CPQ: variants seen among roughly 807,000 people sequenced by gnomAD.
CPQ encodes the protein carboxypeptidase Q.
Under a neutral mutation model 45.7 loss-of-function variants are expected in CPQ, and 37 were observed. That is an observed-to-expected ratio of 0.81 (90% CI 0.62 to 1.07). The LOEUF (loss-of-function observed/expected upper bound fraction) is 1.07. Among genes scored for constraint, CPQ ranks in the 50% least tolerant of loss-of-function variants. The pLI is 0.00. For missense variants in CPQ, 537 were observed against 572.9 expected, an observed-to-expected ratio of 0.94 and a Z score of 0.64; for synonymous variants, 186 against 205.8, an observed-to-expected ratio of 0.90 and a Z score of 0.82.
At chr8:96,896,275 ACT>A in intron 4 of CPQ, among the ~76,000 whole-genome samples, 1 of 152,118 alleles carries the variant, frequency 6.6e-6, no homozygotes, top group East Asian at 1.9e-4. Context: ...CCCTATCAAC[ACT>A]CTATTTTAAA....
intron 1 of CPQ, among the ~76,000 whole-genome samples, chr8:96,688,687 T>G (rs939826422): frequency 2.0e-5 from 3 of 152,184 alleles, no homozygotes; most frequent in African/African-American, 7.2e-5. Flanking sequence ...TATTTCTTCA[T>G]GTATGCCTCT....
At chr8:96,971,039 T>C (rs1247152708) in intron 5 of CPQ, among the ~76,000 whole-genome samples, 3 of 152,208 alleles carry the variant, frequency 2.0e-5, no homozygotes, top group Non-Finnish European at 4.4e-5. Flanking sequence ...ATAACATTTG[T>C]TGGGAGAGTA....
chr8:96,732,040 G>A lies in CPQ; in HGVS notation c.-34-52824G>A, dbSNP rs1236901383. Among the ~76,000 whole-genome samples, 3 of 152,268 alleles carry A rather than the reference G, an allele frequency of 2.0e-5. No individual in the cohort carries two copies. The South Asian group carries it at 6.2e-4, about 32-fold the overall frequency. On this transcript the variant is annotated intron_variant, in intron 1 of 7. Transcript: ENST00000220763. ...GTAAGTGTTCAGGGAGATGACAAAA[G>A]AGAAGTCTGAGGCTTGAGGAATTAC...
At chr8:96,688,089 T>A (rs1809256818) in intron 1 of CPQ, among the ~76,000 whole-genome samples, 1 of 152,132 alleles carries the variant, frequency 6.6e-6, no homozygotes, top group Non-Finnish European at 1.5e-5. Context: ...TTCTGTTTTC[T>A]GTAGGTTTTT....
intron 7 of CPQ, among the ~76,000 whole-genome samples, chr8:97,075,961 TTTTAATTTGTATTTCTAAAAGGTAAGGAC>T (rs1810838764): frequency 1.3e-5 from 2 of 152,226 alleles, no homozygotes; most frequent in African/African-American, 4.8e-5. Context: ...TTTATAAATA[TTTTAATTTGTATTTCTAAAAGGTAAGGAC>T]TTGGTTTTAT....
intron 1 of CPQ, among the ~76,000 whole-genome samples, chr8:96,685,136 C>CAACAAAAAGCAAAAAACA (rs139480355): frequency 2.0e-5 from 3 of 149,814 alleles, no homozygotes; most frequent in Admixed American, 6.6e-5. Context: ...AAACAAAAAA[C>CAACAAAAAGCAAAAAACA]AAAAAACAGA....
chr8:96,684,758 G>A (rs1809203516), intron 1 of CPQ, among the ~76,000 whole-genome samples: 1 of 152,160 alleles, frequency 6.6e-6, no homozygotes, highest in South Asian at 2.1e-4. Context: ...CCCCCTGATA[G>A]TGTGGGGAGG....
At chr8:96,935,236 T>C (rs1057003261) in intron 4 of CPQ, among the ~76,000 whole-genome samples, 6 of 152,138 alleles carry the variant, frequency 3.9e-5, no homozygotes, top group African/African-American at 1.4e-4. Flanking sequence ...CTACAAATAG[T>C]GTCCAAAAGG....
intron 3 of CPQ, among the ~76,000 whole-genome samples, chr8:96,854,701 C>CAAGTCCCA (rs1563513749): frequency 1.3e-5 from 2 of 152,034 alleles, no homozygotes; most frequent in African/African-American, 4.8e-5. Context: ...CAGAGGCTGA[C>CAAGTCCCA]AAGTCCCAAA....
At chr8:97,042,976 G>T (rs1250729417) in intron 6 of CPQ, among the ~76,000 whole-genome samples, 1 of 151,818 alleles carries the variant, frequency 6.6e-6, no homozygotes, top group African/African-American at 2.4e-5. Flanking sequence ...ATTTGGGGTG[G>T]AGAGTTCTGT....
chr8:96,954,597 T>A lies in CPQ; in HGVS notation c.850-11338T>A, dbSNP rs565156666. Among the ~76,000 whole-genome samples, 160 of 152,258 alleles carry A rather than the reference T, an allele frequency of 1.1e-3. 2 individuals are homozygous for A. The highest frequency in any genetic ancestry group is 6.8e-3 in the Middle Eastern group (2 of 294). On this transcript the variant is annotated intron_variant, in intron 4 of 7. Transcript: ENST00000220763. ...AATTACCTTGTCTTTCTGTTATTTT[T>A]TTTATTTATTTATTATACTTTAAGT... is the stretch of plus-strand genomic sequence containing the variant.
intron 2 of CPQ, among the ~76,000 whole-genome samples, chr8:96,808,901 T>C (rs1385362478): frequency 6.6e-6 from 1 of 152,164 alleles, no homozygotes; most frequent in Non-Finnish European, 1.5e-5. Context: ...TCCCGTAATG[T>C]TGTGCCTGGT....
intron 4 of CPQ, among the ~76,000 whole-genome samples, chr8:96,915,241 C>T (rs1303501356): frequency 6.6e-6 from 1 of 152,000 alleles, no homozygotes; most frequent in African/African-American, 2.4e-5. Context: ...ATTTTTTTTC[C>T]GTGCCTCTCC....
At chr8:96,803,461 A>G (rs1811034343) in intron 2 of CPQ, among the ~76,000 whole-genome samples, 1 of 152,210 alleles carries the variant, frequency 6.6e-6, no homozygotes, top group Non-Finnish European at 1.5e-5. Context: ...ATGAGAGATG[A>G]AGGAATTGGA....
intron 5 of CPQ, among the ~76,000 whole-genome samples, chr8:97,016,436 T>A (rs1235626467): frequency 6.6e-6 from 1 of 152,178 alleles, no homozygotes; most frequent in Non-Finnish European, 1.5e-5. Flanking sequence ...GAAAAGGTGG[T>A]CCCTTTTATT....
intron 2 of CPQ, among the ~76,000 whole-genome samples, chr8:96,819,747 T>C (rs551930864): frequency 6.6e-6 from 1 of 152,216 alleles, no homozygotes; most frequent in South Asian, 2.1e-4. Flanking sequence ...TGCTCTTCAT[T>C]GGTCAGCTTT....
chr8:96,712,446 G>A (rs957954849), intron 1 of CPQ, among the ~76,000 whole-genome samples: 1 of 152,146 alleles, frequency 6.6e-6, no homozygotes, highest in Non-Finnish European at 1.5e-5. Flanking sequence ...CTCCATTCAA[G>A]CAGCAAACGT....
intron 1 of CPQ, among the ~76,000 whole-genome samples, chr8:96,702,373 G>A (rs897329008): frequency 1.8e-4 from 28 of 152,170 alleles, no homozygotes; most frequent in African/African-American, 6.3e-4. Flanking sequence ...AGGAAGATGA[G>A]GAAGAAAAGG....
chr8:96,934,892 C>T (rs943754020), intron 4 of CPQ, among the ~76,000 whole-genome samples: 4 of 152,190 alleles, frequency 2.6e-5, no homozygotes, highest in African/African-American at 4.8e-5. Flanking sequence ...CAGATCATCA[C>T]GGTCTCCCAG....
Sources: gnomAD v4.1 joint callset for allele counts (sites outside exome capture counted in the v4.1 genomes callset) on GRCh38, gnomAD v4.1.1 for gene constraint, MANE v1.5 for transcripts, NCBI Gene and HGNC (gene_info 2026-07-23, HGNC 2026-07-21) for gene names.